Variants in NPAS3 observed in about 807,000 individuals in gnomAD.
The protein encoded by NPAS3 is neuronal PAS domain protein 3.
NPAS3 carries 14 observed loss-of-function variants against 73.1 expected under a neutral mutation model. That is an observed-to-expected ratio of 0.19 (90% CI 0.13 to 0.30). The LOEUF (loss-of-function observed/expected upper bound fraction) is 0.30, where lower values mean the gene tolerates loss of function less well. Among genes scored for constraint, NPAS3 ranks in the 10% least tolerant of loss-of-function variants. The pLI, the probability that NPAS3 is intolerant of heterozygous loss-of-function variation, is 1.00. For missense variants in NPAS3, 1,096 were observed against 1,250.0 expected (o/e 0.88, Z 1.86); for synonymous variants, 620 against 541.5 (o/e 1.14, Z -2.01).
intron 2 of NPAS3, among the ~76,000 whole-genome samples, chr14:33,131,622 C>T (rs2139110220): frequency 6.6e-6 from 1 of 152,086 alleles, no homozygotes; most frequent in African/African-American, 2.4e-5. Context: ...TCTAATAATC[C>T]TAGTAATTAT....
At chr14:33,648,456 C>T (rs1187669301) in intron 5 of NPAS3, among the ~76,000 whole-genome samples, 1 of 152,130 alleles carries the variant, frequency 6.6e-6, no homozygotes, top group African/African-American at 2.4e-5. Flanking sequence ...TCACAGAAAA[C>T]TTGTTTAACA....
chr14:33,454,644 G>A (rs1487608520), intron 4 of NPAS3, among the ~76,000 whole-genome samples: 1 of 152,252 alleles, frequency 6.6e-6, no homozygotes, highest in East Asian at 1.9e-4. Flanking sequence ...GTAAAATCAT[G>A]GTATTTGAGA....
chr14:32,986,038 T>C (rs533020129), intron 1 of NPAS3, among the ~76,000 whole-genome samples: 53 of 152,310 alleles, frequency 3.5e-4, no homozygotes, highest in African/African-American at 1.2e-3. Context: ...TGGGCGCCGC[T>C]GTGAGGATTC....
intron 2 of NPAS3, among the ~76,000 whole-genome samples, chr14:33,128,146 A>C (rs1198613559): frequency 1.3e-5 from 2 of 152,178 alleles, no homozygotes; most frequent in Non-Finnish European, 2.9e-5. Flanking sequence ...AAATTAGTGA[A>C]CCTCACTTAA....
intron 4 of NPAS3, among the ~76,000 whole-genome samples, chr14:33,382,896 G>A (rs143325658): frequency 2.5e-4 from 38 of 152,102 alleles, no homozygotes; most frequent in Non-Finnish European, 4.9e-4. Context: ...TTTCAAATCA[G>A]CCTGGGCAAC....
chr14:32,984,842 A>C (rs2038035987), intron 1 of NPAS3, among the ~76,000 whole-genome samples: 1 of 152,132 alleles, frequency 6.6e-6, no homozygotes, highest in South Asian at 2.1e-4. Flanking sequence ...TGTCTTCTAA[A>C]AGAGTTTGTG....
chr14:33,627,708 A>G (rs2058261719), intron 5 of NPAS3, among the ~76,000 whole-genome samples: 1 of 152,200 alleles, frequency 6.6e-6, no homozygotes, highest in Admixed American at 6.5e-5. Flanking sequence ...TATTAGAAAG[A>G]TATTTATTTA....
At chr14:33,256,590 C>T (rs1228519571) in intron 3 of NPAS3, among the ~76,000 whole-genome samples, 2 of 152,078 alleles carry the variant, frequency 1.3e-5, no homozygotes, top group Non-Finnish European at 2.9e-5. Context: ...TTTGTTTTTG[C>T]TTTACACTGG....
chr14:33,692,504 A>G (rs1273324635), intron 6 of NPAS3, among the ~76,000 whole-genome samples: 7 of 152,176 alleles, frequency 4.6e-5, no homozygotes, highest in Non-Finnish European at 1.0e-4. Context: ...TTATGCAAGC[A>G]GGTGCAAAGG....
chr14:33,551,167 GT>G (rs913656755), intron 4 of NPAS3, among the ~76,000 whole-genome samples: 2 of 152,268 alleles, frequency 1.3e-5, no homozygotes, highest in African/African-American at 2.4e-5. Flanking sequence ...GAGTACAAAT[GT>G]TTTTTAATGC....
intron 1 of NPAS3, among the ~76,000 whole-genome samples, chr14:33,022,982 T>A (rs10146726): frequency 6.6e-6 from 1 of 151,966 alleles, no homozygotes; most frequent in African/African-American, 2.4e-5. Context: ...ATTTTTAATC[T>A]AAAACTGTTA....
At chr14:33,548,173 G>A (rs1485634491) in intron 4 of NPAS3, among the ~76,000 whole-genome samples, 1 of 152,204 alleles carries the variant, frequency 6.6e-6, no homozygotes, top group Non-Finnish European at 1.5e-5. Context: ...GGTGACAGCT[G>A]TGGCTGAACG....
chr14:33,558,913 C>A (rs1022128778), intron 4 of NPAS3, among the ~76,000 whole-genome samples: 2 of 149,924 alleles, frequency 1.3e-5, no homozygotes, highest in Admixed American at 1.3e-4. Context: ...AGCATTTGTG[C>A]AACTTACCTT....
At chr14:33,556,886 T>C (rs1431725791) in intron 4 of NPAS3, among the ~76,000 whole-genome samples, 1 of 152,234 alleles carries the variant, frequency 6.6e-6, no homozygotes, top group Non-Finnish European at 1.5e-5. Context: ...CCTGTGATCT[T>C]TCTTTGTGTT....
rs537588483 is a variant in NPAS3, at chr14:32,965,428, CAT to C, written c.50+26064_50+26065del. The stretch of plus-strand genomic sequence containing the variant: ...CATATACAATTCAATAAATTTGACA[CAT>C]AACATTAACAGAATGAAGGCCAAAA... On this transcript the variant is annotated intron_variant, in intron 1 of 11. Coordinates refer to ENST00000356141, the Ensembl canonical transcript of NPAS3. 4.0e-3 allele frequency among the ~76,000 whole-genome samples: 613 copies of C among 152,298 alleles called. 3 individuals are homozygous for C. The highest frequency in any genetic ancestry group is 0.014 in the African/African-American group (569 of 41,566).
At chr14:33,645,086 AAAAAAAAAAAGAAAG>A (rs1432833876) in intron 5 of NPAS3, among the ~76,000 whole-genome samples, 10 of 151,954 alleles carry the variant, frequency 6.6e-5, no homozygotes, top group Non-Finnish European at 1.2e-4. Flanking sequence ...CATCTCAAAA[AAAAAAAAAAAGAAAG>A]AAAGAAAAAA....
intron 5 of NPAS3, among the ~76,000 whole-genome samples, chr14:33,640,485 T>C (rs2058648087): frequency 6.6e-6 from 1 of 152,190 alleles, no homozygotes; most frequent in Non-Finnish European, 1.5e-5. Context: ...AATGCACATC[T>C]TTTTCAATAA....
At chr14:33,521,538 A>G (rs2053556820) in intron 4 of NPAS3, among the ~76,000 whole-genome samples, 1 of 150,438 alleles carries the variant, frequency 6.6e-6, no homozygotes, top group Non-Finnish European at 1.5e-5. Context: ...AAAAAGGCAC[A>G]TTAGAGATGT....
intron 3 of NPAS3, among the ~76,000 whole-genome samples, chr14:33,269,170 ATAAAT>A (rs2040958439): frequency 6.6e-6 from 1 of 152,240 alleles, no homozygotes; most frequent in Non-Finnish European, 1.5e-5. Flanking sequence ...AAAATTTCAA[ATAAAT>A]TAAAATAGAA....
Sources: gnomAD v4.1 joint callset for allele counts (sites outside exome capture counted in the v4.1 genomes callset) on GRCh38, gnomAD v4.1.1 for gene constraint, MANE v1.5 for transcripts, NCBI Gene and HGNC (gene_info 2026-07-23, HGNC 2026-07-21) for gene names.